The following PIAS2 variants were observed in gnomAD, a reference collection of about 807,000 sequenced individuals.
PIAS2 encodes protein inhibitor of activated STAT 2.
Under a neutral mutation model 69.7 loss-of-function variants are expected in PIAS2, and 19 were observed. The observed-to-expected ratio is 0.27, with a 90% CI of 0.19 to 0.40. The LOEUF is 0.40. Among genes scored for constraint, PIAS2 ranks in the 10% least tolerant of loss-of-function variants. PIAS2 has a pLI of 1.00. For missense variants in PIAS2, 624 were observed against 757.0 expected (o/e 0.82, Z 2.06); for synonymous variants, 261 against 263.2 (o/e 0.99, Z 0.08).
chr18:46,886,659 GA>G, intron 2 of PIAS2, among the ~76,000 whole-genome samples: 2 of 152,116 alleles, frequency 1.3e-5, no homozygotes, highest in Non-Finnish European at 2.9e-5. Context: ...CCAACGTAAC[GA>G]AACCCCATCT....
At chr18:46,832,372 T>C (rs1419891896) in intron 9 of PIAS2, among the ~76,000 whole-genome samples, 1 of 151,568 alleles carries the variant, frequency 6.6e-6, no homozygotes, top group African/African-American at 2.4e-5. Flanking sequence ...GCTGAGATCA[T>C]GCCACTGCAC....
At chr18:46,910,120 C>A (rs2057091953) in intron 1 of PIAS2, among the ~76,000 whole-genome samples, 1 of 152,084 alleles carries the variant, frequency 6.6e-6, no homozygotes, top group African/African-American at 2.4e-5. Flanking sequence ...CGCGCCACTG[C>A]ACTCCAGCCT....
At chr18:46,903,344 A>G (rs2056162824) in intron 1 of PIAS2, among the ~76,000 whole-genome samples, 1 of 152,222 alleles carries the variant, frequency 6.6e-6, no homozygotes, top group South Asian at 2.1e-4. Context: ...ATATACTTAG[A>G]ACTCTCAAAA....
At chr18:46,858,791 T>G (rs1206300222) in intron 3 of PIAS2, among the ~76,000 whole-genome samples, 2 of 152,110 alleles carry the variant, frequency 1.3e-5, no homozygotes, top group Non-Finnish European at 2.9e-5. Context: ...TAAGACTTGA[T>G]GAATGACTAG....
At chr18:46,861,751 AAAAC>A (rs1011692259) in intron 3 of PIAS2, among the ~76,000 whole-genome samples, 5 of 152,240 alleles carry the variant, frequency 3.3e-5, no homozygotes, top group East Asian at 1.9e-4. Flanking sequence ...TGAAAGACAA[AAAAC>A]AAACAAACAA....
chr18:46,834,650 C>T (rs576879369), intron 9 of PIAS2, among the ~76,000 whole-genome samples: 72 of 152,206 alleles, frequency 4.7e-4, no homozygotes, highest in African/African-American at 1.2e-3. Flanking sequence ...AGTCTTTCTC[C>T]ATCACCCAGG....
intron 11 of PIAS2, chr18:46,827,684 C>G (rs1033492042): frequency 6.8e-6 from 2 of 294,340 alleles, no homozygotes; most frequent in African/African-American, 4.3e-5. Flanking sequence ...TCTGAGATGC[C>G]AAATTTCCTT....
intron 1 of PIAS2, chr18:46,905,952 A>C (rs1417403623): frequency 6.6e-6 from 1 of 152,190 alleles, no homozygotes; most frequent in Non-Finnish European, 1.5e-5. Flanking sequence ...TCCTAAATTA[A>C]ATATCTCCAA....
intron 1 of PIAS2, chr18:46,891,687 C>T: frequency 1.0e-6 from 1 of 965,938 alleles, no homozygotes; most frequent in Non-Finnish European, 1.2e-6. Flanking sequence ...AAATTCCCAG[C>T]TGGGTATCCA....
At chr18:46,917,032 C>T (rs1398435283) in intron 1 of PIAS2, 3 of 987,578 alleles carry the variant, frequency 3.0e-6, no homozygotes, top group African/African-American at 3.5e-5. Context: ...TCCCCATGTG[C>T]CCCTCCTGGA....
At chr18:46,833,701 G>T (rs937550531) in intron 9 of PIAS2, among the ~76,000 whole-genome samples, 1 of 152,134 alleles carries the variant, frequency 6.6e-6, no homozygotes, top group Non-Finnish European at 1.5e-5. Flanking sequence ...AATGGCCTAA[G>T]AAATACTACC....
chr18:46,918,873 T>G (rs1280227756), upstream of PIAS2, among the ~76,000 whole-genome samples: 6 of 152,130 alleles, frequency 3.9e-5, no homozygotes, highest in Non-Finnish European at 2.9e-5. Context: ...ATCCCACATT[T>G]TAATTCAAAT....
At chr18:46,815,728 T>C (rs1053951344) in intron 12 of PIAS2, 9 of 1,002,482 alleles carry the variant, frequency 9.0e-6, no homozygotes, top group Non-Finnish European at 1.1e-5. Flanking sequence ...CTTAAGATAT[T>C]TCACATTTAT....
At chr18:46,854,010 C>T (rs1225687896) in intron 5 of PIAS2, 1 of 152,308 alleles carries the variant, frequency 6.6e-6, no homozygotes, top group East Asian at 1.9e-4. Context: ...AAAAGAGTCA[C>T]GTCAGTGATG....
chr18:46,816,111 C>A, intron 12 of PIAS2: 6 of 984,902 alleles, frequency 6.1e-6, no homozygotes, highest in Non-Finnish European at 7.2e-6. Flanking sequence ...TGACTAAACT[C>A]TCTTTAATTA....
At chr18:46,884,949 A>G (rs1053978276) in intron 2 of PIAS2, among the ~76,000 whole-genome samples, 1 of 152,020 alleles carries the variant, frequency 6.6e-6, no homozygotes, top group Non-Finnish European at 1.5e-5. Context: ...TGAAGAGGAA[A>G]TCAAGACTGC....
At chr18:46,836,214 A>T in intron 9 of PIAS2, 143 bp downstream of exon 9, 2 of 638,822 alleles carry the variant, frequency 3.1e-6, no homozygotes, top group Non-Finnish European at 5.5e-6. Context: ...ATAATTAGGT[A>T]TAAGACGGAA....
chr18:46,814,613 T>C (rs2041318190), intron 13 of PIAS2, among the ~76,000 whole-genome samples: 1 of 152,178 alleles, frequency 6.6e-6, no homozygotes, highest in South Asian at 2.1e-4. Context: ...GAGCAGCCCA[T>C]GAAGCAGTGA....
At position 46,811,414 on chromosome 18, in the gene PIAS2, T is replaced by G. The variant is rs1363728462; in HGVS notation, c.*1019A>C. The G allele has an allele frequency of 6.6e-6, 1 of 152,300 alleles. No homozygotes were observed. The highest frequency in any genetic ancestry group is 1.9e-4 in the East Asian group (1 of 5,188). 9.4% of individuals were successfully genotyped at this position (152,300 alleles called of 1,614,324 possible). A position where few individuals can be genotyped will look rare whatever the true frequency, so the allele number is the denominator to read the frequency against. On this transcript the variant is annotated 3_prime_UTR_variant, in exon 14 of 14. Transcript: ENST00000585916. ...CCAAAATACAAAGTTTCATCAAATA[T>G]TTCACTACTATTCTGTAAAATAAAT...
Sources: gnomAD v4.1 joint callset for allele counts (sites outside exome capture counted in the v4.1 genomes callset) on GRCh38, gnomAD v4.1.1 for gene constraint, MANE v1.5 for transcripts, NCBI Gene and HGNC (gene_info 2026-07-23, HGNC 2026-07-21) for gene names.